Variants in ALCAM observed in about 807,000 individuals in gnomAD.
ALCAM encodes activated leukocyte cell adhesion molecule.
Under a neutral mutation model 70.9 loss-of-function variants are expected in ALCAM, and 30 were observed. That is an observed-to-expected ratio of 0.42 (90% CI 0.32 to 0.57). ALCAM has a LOEUF of 0.57. Ranked by LOEUF, ALCAM falls within the 20% of genes least tolerant of loss-of-function variation. The probability of loss-of-function intolerance (pLI) is 0.11; values close to 1 mark genes in which losing one functional copy is unlikely to be tolerated. For synonymous variants in ALCAM, 249 were observed against 242.5 expected, an observed-to-expected ratio of 1.03 and a Z score of -0.25; for missense variants, 591 against 695.1, an observed-to-expected ratio of 0.85 and a Z score of 1.68.
chr3:105,556,781 A>G (rs1450653189), intron 14 of ALCAM, among the ~76,000 whole-genome samples: 6 of 152,098 alleles, frequency 3.9e-5, no homozygotes, highest in East Asian at 1.9e-4. Context: ...AAAAGCAAAT[A>G]TATGTTCTCA....
intron 8 of ALCAM, 36 bp downstream of exon 8, chr3:105,541,801 C>T (rs1317652644): frequency 1.2e-6 from 2 of 1,608,654 alleles, no homozygotes; most frequent in Non-Finnish European, 1.7e-6. Flanking sequence ...AGCTTCACCT[C>T]AAAGGCTTCT....
rs1355990678 is a variant in ALCAM, at chr3:105,546,641, C to A, written c.1105-508C>A. Among the ~76,000 whole-genome samples, 10 of 151,426 alleles carry A rather than the reference C, an allele frequency of 6.6e-5. 1 individual carries two copies. Among genetic ancestry groups the A allele is most frequent in the Admixed American group, 6.6e-4 (10 of 15,158 alleles). Reference sequence around the variant, plus strand: ...TTTACTGTGGTTTAAACTGTTTGTACAATCAACTGCAATCACTGTTATGAA... The same window carrying A: ...TTTACTGTGGTTTAAACTGTTTGTAAAATCAACTGCAATCACTGTTATGAA... On this transcript the variant is annotated intron_variant, in intron 9 of 15. Coordinates refer to ENST00000306107, the MANE Select transcript of ALCAM (RefSeq NM_001627.4).
At position 105,541,891 on chromosome 3, in the gene ALCAM, G is replaced by C. The variant is rs1293557323; in HGVS notation, c.991+126G>C. On this transcript the variant is annotated intron_variant, in intron 8 of 15. Coordinates refer to ENST00000306107, the MANE Select transcript of ALCAM (RefSeq NM_001627.4). Reference sequence around the variant, plus strand: ...TAACTTGGTTGCAATAGATGCAGTAGAGAGAGAAAGCATCGGGATAAGCTC... The same window carrying C: ...TAACTTGGTTGCAATAGATGCAGTACAGAGAGAAAGCATCGGGATAAGCTC... The C allele has an allele frequency of 6.1e-6, 7 of 1,152,410 alleles. No homozygotes were observed. The African/African-American group carries it at 1.1e-4, about 18-fold the overall frequency. 71.4% of individuals were successfully genotyped at this position (1,152,410 alleles called of 1,614,324 possible). A position where few individuals can be genotyped will look rare whatever the true frequency, so the allele number is the denominator to read the frequency against.
chr3:105,430,712 A>G (rs1175778412), intron 1 of ALCAM, among the ~76,000 whole-genome samples: 1 of 151,924 alleles, frequency 6.6e-6, no homozygotes, highest in Non-Finnish European at 1.5e-5. Flanking sequence ...CTCACACCTC[A>G]TGTTCCAGAA....
rs190409406 is a variant in ALCAM at position 105,531,621 on chromosome 3, A to G, written c.395-381A>G. On this transcript the variant is annotated intron_variant, in intron 3 of 15. Transcript: ENST00000306107. ...TTGTGATTCTGGTTCATGTAAATTA[A>G]TGTCTTCAGTTAATGAGCTGGAAGT... Among the ~76,000 whole-genome samples the G allele has an allele frequency of 7.0e-4, 107 of 152,096 alleles. 1 individual carries two copies. In the East Asian group the frequency reaches 0.021, roughly 29 times the overall value.
At chr3:105,377,310 A>G (rs1189501699) in intron 1 of ALCAM, among the ~76,000 whole-genome samples, 1 of 152,124 alleles carries the variant, frequency 6.6e-6, no homozygotes, top group Non-Finnish European at 1.5e-5. Flanking sequence ...CATCCTAATC[A>G]TGTTATTGTC....
At chr3:105,548,550 A>G (rs1324594038) in intron 11 of ALCAM, among the ~76,000 whole-genome samples, 5 of 151,432 alleles carry the variant, frequency 3.3e-5, no homozygotes, top group African/African-American at 4.8e-5. Context: ...AGCTTACGCC[A>G]TGCAGTTTTG....
chr3:105,379,608 C>T (rs559888031), intron 1 of ALCAM, among the ~76,000 whole-genome samples: 8 of 151,568 alleles, frequency 5.3e-5, no homozygotes, highest in South Asian at 2.1e-4. Context: ...GAAAAATTTC[C>T]GATTGTTACA....
At chr3:105,419,704 A>T (rs946389901) in intron 1 of ALCAM, among the ~76,000 whole-genome samples, 1 of 151,864 alleles carries the variant, frequency 6.6e-6, no homozygotes, top group South Asian at 2.1e-4. Flanking sequence ...GTTGTCCCAA[A>T]GGAGTCTTAT....
rs774784203 is a variant in ALCAM at position 105,547,381 on chromosome 3, ATATT to A, written c.1241-7_1241-4del. The A allele has an allele frequency of 6.3e-7, 1 of 1,596,612 alleles. No individual in the cohort carries two copies. Among genetic ancestry groups the A allele is most frequent in the South Asian group, 1.1e-5 (1 of 87,682 alleles). On this transcript the variant is annotated splice_polypyrimidine_tract_variant and splice_region_variant and intron_variant, in intron 10 of 15. Coordinates refer to ENST00000306107, the MANE Select transcript of ALCAM (RefSeq NM_001627.4). ...AGTTCAACATCTTATTTTAATTGTA[ATATT>A]TCAGGCAAACCTCAAATAAAAATGA...
At chr3:105,484,423 G>GA (rs1041191850) in intron 1 of ALCAM, among the ~76,000 whole-genome samples, 2 of 151,334 alleles carry the variant, frequency 1.3e-5, no homozygotes, top group East Asian at 1.9e-4. Context: ...GGATTTTAAA[G>GA]AAAAAAATGT....
chr3:105,572,569 A>T (rs1940881598), intron 15 of ALCAM, among the ~76,000 whole-genome samples: 1 of 152,130 alleles, frequency 6.6e-6, no homozygotes, highest in Non-Finnish European at 1.5e-5. Flanking sequence ...TTTATAGTAG[A>T]ATGATTTATA....
At chr3:105,529,868 G>A (rs1939796124) in intron 3 of ALCAM, among the ~76,000 whole-genome samples, 1 of 152,038 alleles carries the variant, frequency 6.6e-6, no homozygotes. Flanking sequence ...TTTTCTATTA[G>A]AGAAAGAGTA....
At chr3:105,368,188 A>G (rs1002900108) in intron 1 of ALCAM, among the ~76,000 whole-genome samples, 3 of 133,120 alleles carry the variant, frequency 2.3e-5, no homozygotes, top group African/African-American at 5.5e-5. Context: ...ACCTGCTCAT[A>G]GAGCCTCAGT....
intron 2 of ALCAM, 109 bp from the exon 3 acceptor site, chr3:105,524,180 A>C (rs1675189530): frequency 2.1e-6 from 2 of 937,636 alleles, no homozygotes; most frequent in Non-Finnish European, 3.1e-6. Flanking sequence ...CTTCGTAGAC[A>C]AAAAATATAG....
At chr3:105,461,531 T>G (rs547250069) in intron 1 of ALCAM, among the ~76,000 whole-genome samples, 1 of 151,944 alleles carries the variant, frequency 6.6e-6, no homozygotes, top group South Asian at 2.1e-4. Flanking sequence ...GTAAGTATTC[T>G]GGAAAGGGAG....
At chr3:105,383,057 T>C (rs1935567354) in intron 1 of ALCAM, among the ~76,000 whole-genome samples, 1 of 151,844 alleles carries the variant, frequency 6.6e-6, no homozygotes, top group Non-Finnish European at 1.5e-5. Flanking sequence ...TTCACGTCTC[T>C]GTCTTATTCA....
At chr3:105,478,488 A>G (rs970466481) in intron 1 of ALCAM, among the ~76,000 whole-genome samples, 4 of 152,156 alleles carry the variant, frequency 2.6e-5, no homozygotes, top group African/African-American at 9.6e-5. Context: ...CAGTGATTTT[A>G]GTTATCTCCA....
intron 6 of ALCAM, among the ~76,000 whole-genome samples, chr3:105,539,368 A>G (rs1472277986): frequency 6.6e-6 from 1 of 152,106 alleles, no homozygotes; most frequent in Non-Finnish European, 1.5e-5. Flanking sequence ...TGAAAGTTGC[A>G]TCTTGGCTCC....
Sources: gnomAD v4.1 joint callset for allele counts (sites outside exome capture counted in the v4.1 genomes callset) on GRCh38, gnomAD v4.1.1 for gene constraint, MANE v1.5 for transcripts, NCBI Gene and HGNC (gene_info 2026-07-23, HGNC 2026-07-21) for gene names.